The following CERS3 variants were observed in gnomAD, a reference collection of about 807,000 sequenced individuals.
CERS3 encodes the protein ceramide synthase 3.
A neutral mutation model predicts 50.3 loss-of-function variants in CERS3; 33 were observed. The observed-to-expected ratio is 0.66, with a 90% confidence interval of 0.50 to 0.88. The LOEUF (loss-of-function observed/expected upper bound fraction) is 0.88. Among genes scored for constraint, CERS3 ranks in the 40% least tolerant of loss-of-function variants. CERS3 has a pLI of 0.00. For synonymous variants in CERS3, 176 were observed against 155.2 expected, an observed-to-expected ratio of 1.13 and a Z score of -0.99; for missense variants, 470 against 460.3, an observed-to-expected ratio of 1.02 and a Z score of -0.19.
At chr15:100,461,044 G>C (rs991614498) in intron 10 of CERS3, among the ~76,000 whole-genome samples, 2 of 152,092 alleles carry the variant, frequency 1.3e-5, no homozygotes, top group African/African-American at 4.8e-5. Context: ...AGGTGAAGAA[G>C]CCATCTCAGG....
At chr15:100,464,855 T>C (rs926199207) in intron 10 of CERS3, among the ~76,000 whole-genome samples, 1 of 152,160 alleles carries the variant, frequency 6.6e-6, no homozygotes, top group Non-Finnish European at 1.5e-5. Context: ...CTAATGTTAA[T>C]GAAACAATGC....
chr15:100,410,480 C>T (rs536554284), intron 11 of CERS3, among the ~76,000 whole-genome samples: 2 of 152,298 alleles, frequency 1.3e-5, no homozygotes, highest in East Asian at 3.9e-4. Context: ...AAATGACCTT[C>T]CCCTGATTAA....
chr15:100,457,292 G>C lies in CERS3; in HGVS notation c.846-1246C>G, dbSNP rs143144907. Among the ~76,000 whole-genome samples the C allele has an allele frequency of 7.1e-3, 1,082 of 152,232 alleles. 13 individuals carry two copies. The highest frequency in any genetic ancestry group is 0.024 in the African/African-American group (1,013 of 41,542). On this transcript the variant is annotated intron_variant, in intron 10 of 11. Transcript: ENST00000679737. ...TAAACACCACTACAATTAGGATACA[G>C]AACAGCCTATCTTGCCAAAAAAATT...
At chr15:100,531,812 A>C (rs1460161214), upstream of CERS3, among the ~76,000 whole-genome samples, 1 of 152,240 alleles carries the variant, frequency 6.6e-6, no homozygotes, top group Non-Finnish European at 1.5e-5. Context: ...AATCCTCATT[A>C]ATAGATATTA....
intron 11 of CERS3, among the ~76,000 whole-genome samples, chr15:100,426,705 C>T (rs112084979): frequency 5.5e-4 from 84 of 152,266 alleles, no homozygotes; most frequent in African/African-American, 2.0e-3. Context: ...TTATATCCCC[C>T]GTGTGGGCCT....
rs763447247 is a variant in CERS3 at position 100,490,729 on chromosome 15, AT to A, written c.288+87del. On this transcript the variant is annotated intron_variant, in intron 4 of 11. Transcript: ENST00000679737. ...ATCATTTGCTGGTCAACTAGAATAG[AT>A]TTCTTGCACACACAAGGTAAGCTAT... 9 of 782,338 alleles carry A rather than the reference AT, an allele frequency of 1.2e-5. No individual in the cohort carries two copies. The South Asian group carries it at 1.4e-4, about 12-fold the overall frequency. The allele number at this position is 782,338 out of a possible 1,614,324, so 48.5% of individuals were successfully genotyped here.
At chr15:100,543,261 C>A (rs1474206018) in intron 1 of CERS3, among the ~76,000 whole-genome samples, 1 of 152,072 alleles carries the variant, frequency 6.6e-6, no homozygotes, top group Admixed American at 6.5e-5. Context: ...TGGTGTGGAC[C>A]CTGGCACTGG....
In CERS3 at chr15:100,401,738, G is replaced by A. The variant is rs1281383373; in HGVS notation, c.*975C>T. ...CCTGGCCTGGATCCCATTCCCCCGT[G>A]GAGGTCCCCAGGTACTGTGCTGGCC... On this transcript the variant is annotated 3_prime_UTR_variant, in exon 12 of 12. Transcript: ENST00000679737. The A allele has an allele frequency of 1.3e-5, 2 of 152,398 alleles. No individual in the cohort carries two copies. Among genetic ancestry groups the A allele is most frequent in the African/African-American group, 4.8e-5 (2 of 41,436 alleles). The allele number at this position is 152,398 out of a possible 1,614,324, so 9.4% of individuals were successfully genotyped here.
At chr15:100,541,773 G>A (rs12440806) in intron 1 of CERS3, among the ~76,000 whole-genome samples, 75,806 of 151,676 alleles carry the variant, frequency 0.5, 19,231 homozygotes, top group South Asian at 0.59. Context: ...TTACTAAAAA[G>A]TAGTAACATG....
intron 11 of CERS3, among the ~76,000 whole-genome samples, chr15:100,403,124 A>G (rs907503013): frequency 6.6e-6 from 1 of 152,228 alleles, no homozygotes; most frequent in East Asian, 1.9e-4. Context: ...GGGAAATTTC[A>G]AAACACTTAG....
At chr15:100,493,228 T>C (rs1016012571) in intron 3 of CERS3, among the ~76,000 whole-genome samples, 3 of 152,250 alleles carry the variant, frequency 2.0e-5, no homozygotes, top group African/African-American at 7.2e-5. Flanking sequence ...CCTTTCAAAC[T>C]TTTTGTATGC....
At chr15:100,447,113 G>A (rs1480431057) in intron 11 of CERS3, among the ~76,000 whole-genome samples, 1 of 152,068 alleles carries the variant, frequency 6.6e-6, no homozygotes, top group African/African-American at 2.4e-5. Context: ...TTCCTTTCTG[G>A]ATCTTTCCTC....
At chr15:100,537,632 A>T (rs1230936594) in intron 1 of CERS3, among the ~76,000 whole-genome samples, 1 of 152,170 alleles carries the variant, frequency 6.6e-6, no homozygotes, top group East Asian at 1.9e-4. Context: ...CATGAACAAC[A>T]TGGGGGAAAC....
At chr15:100,538,591 T>C (rs1596834719) in intron 1 of CERS3, among the ~76,000 whole-genome samples, 1 of 152,180 alleles carries the variant, frequency 6.6e-6, no homozygotes. Flanking sequence ...CTTTTAACCA[T>C]GGCTGGCATG....
At chr15:100,497,668 T>C (rs1322531977) in intron 3 of CERS3, among the ~76,000 whole-genome samples, 3 of 152,206 alleles carry the variant, frequency 2.0e-5, no homozygotes, top group East Asian at 3.9e-4. Context: ...TAGAGGGTCA[T>C]GTGAGAAATA....
In CERS3 at chr15:100,490,928, A is replaced by C; in HGVS notation, c.177T>G (p.Phe59Leu). ...ATGATTTTGCTAGAGGTGAAGCAAC[A>C]AATCTACAAAAATATGAAAAGAAAA... The part of the protein sequence containing the change: ...LLIIRRVFEK[F>L]VASPLAKSFG... The change falls in exon 4 of 12, where the codon TTT (phenylalanine) becomes TTG (leucine). Residue 59 changes from phenylalanine (F) to leucine (L), a missense_variant. Phe to Leu is a conservative substitution (Grantham distance 22). Transcript: ENST00000679737. 6.4e-7 allele frequency: 1 copy of C among 1,568,290 alleles called. No homozygotes were observed. Among genetic ancestry groups the C allele is most frequent in the Non-Finnish European group, 8.7e-7 (1 of 1,150,890 alleles).
intron 8 of CERS3, among the ~76,000 whole-genome samples, chr15:100,474,843 G>A (rs1246113033): frequency 3.9e-5 from 6 of 152,222 alleles, no homozygotes. Context: ...TTAGTGCGTG[G>A]TGAAGCCAGG....
chr15:100,423,343 CA>C (rs1221305399), intron 11 of CERS3, among the ~76,000 whole-genome samples: 4 of 152,096 alleles, frequency 2.6e-5, no homozygotes, highest in South Asian at 4.1e-4. Flanking sequence ...GCACTATTCA[CA>C]ATAGCAAAAA....
At chr15:100,428,030 T>A (rs997656252) in intron 11 of CERS3, among the ~76,000 whole-genome samples, 1 of 152,218 alleles carries the variant, frequency 6.6e-6, no homozygotes, top group East Asian at 1.9e-4. Context: ...GCCCTCATGG[T>A]ACATAACAGT....
Sources: allele counts gnomAD v4.1 joint callset (sites outside exome capture counted in the v4.1 genomes callset), GRCh38; gene constraint gnomAD v4.1.1; transcripts MANE v1.5; gene names NCBI Gene and HGNC (gene_info 2026-07-23, HGNC 2026-07-21).